Variants in ARB2A observed in about 807,000 individuals in gnomAD.
ARB2A encodes the protein cotranscriptional regulator ARB2A.
At chr5:93,806,572 C>T in the ARB2A span, among the ~76,000 whole-genome samples, 1 of 151,744 alleles carries the variant, frequency 6.6e-6, no homozygotes, top group Non-Finnish European at 1.5e-5. Flanking sequence ...TTACAGGACA[C>T]CTTAAAACAG....
chr5:93,811,192 G>A, the ARB2A span, among the ~76,000 whole-genome samples: 1 of 152,188 alleles, frequency 6.6e-6, no homozygotes, highest in East Asian at 1.9e-4. Flanking sequence ...CATGGAATGA[G>A]CCACAAAAAA....
the ARB2A span, among the ~76,000 whole-genome samples, chr5:93,647,102 C>A: frequency 9.9e-5 from 15 of 152,152 alleles, no homozygotes; most frequent in Non-Finnish European, 2.1e-4. Flanking sequence ...GTATAGTTAT[C>A]AAATTCAGAA....
the ARB2A span, among the ~76,000 whole-genome samples, chr5:93,836,838 T>C: frequency 2.0e-5 from 3 of 152,144 alleles, no homozygotes; most frequent in South Asian, 2.1e-4. Flanking sequence ...ATTTTGGACC[T>C]TGAAAAATGG....
the ARB2A span, among the ~76,000 whole-genome samples, chr5:94,077,772 T>C: frequency 1.3e-5 from 2 of 152,236 alleles, no homozygotes; most frequent in African/African-American, 4.8e-5. Flanking sequence ...TGGGACACAG[T>C]TGACATGTTG....
the ARB2A span, among the ~76,000 whole-genome samples, chr5:93,988,400 A>C: frequency 2.6e-5 from 4 of 152,100 alleles, no homozygotes; most frequent in African/African-American, 7.2e-5. Flanking sequence ...GCTTTCTTTT[A>C]TATTCTCAGA....
At chr5:93,659,178 A>G in the ARB2A span, among the ~76,000 whole-genome samples, 9 of 152,096 alleles carry the variant, frequency 5.9e-5, no homozygotes, top group African/African-American at 1.9e-4. Flanking sequence ...GCTCCATGAC[A>G]GAAACAACTG....
chr5:93,790,227 A>G, the ARB2A span, among the ~76,000 whole-genome samples: 1 of 152,188 alleles, frequency 6.6e-6, no homozygotes, highest in African/African-American at 2.4e-5. Flanking sequence ...AAATGAACAA[A>G]CTGAAAAGCA....
chr5:93,979,591 C>T, the ARB2A span, among the ~76,000 whole-genome samples: 1 of 152,050 alleles, frequency 6.6e-6, no homozygotes. Flanking sequence ...ACCCTGCATG[C>T]ATAATTAGGC....
At chr5:93,929,325 T>C in the ARB2A span, among the ~76,000 whole-genome samples, 3 of 152,176 alleles carry the variant, frequency 2.0e-5, no homozygotes, top group Non-Finnish European at 4.4e-5. Context: ...GCAAGTAGTA[T>C]GAAGCCAAAA....
At chr5:93,958,563 G>T in the ARB2A span, among the ~76,000 whole-genome samples, 1 of 151,836 alleles carries the variant, frequency 6.6e-6, no homozygotes, top group African/African-American at 2.4e-5. Flanking sequence ...TCACTCAAAA[G>T]ACATTATTTA....
the ARB2A span, among the ~76,000 whole-genome samples, chr5:94,060,599 C>A: frequency 1.3e-5 from 2 of 152,024 alleles, no homozygotes; most frequent in Non-Finnish European, 1.5e-5. Flanking sequence ...TAAATTGGTA[C>A]CAATTCTACA....
the ARB2A span, among the ~76,000 whole-genome samples, chr5:93,839,016 T>C: frequency 6.6e-6 from 1 of 152,190 alleles, no homozygotes; most frequent in Non-Finnish European, 1.5e-5. Context: ...CTCTTCCTAT[T>C]TGGGTGCCTT....
the ARB2A span, among the ~76,000 whole-genome samples, chr5:93,962,605 C>A: frequency 6.6e-6 from 1 of 152,008 alleles, no homozygotes; most frequent in African/African-American, 2.4e-5. Context: ...CACCCACATA[C>A]AAAAACCCAC....
At chr5:93,899,603 C>T in the ARB2A span, among the ~76,000 whole-genome samples, 4 of 151,980 alleles carry the variant, frequency 2.6e-5, no homozygotes, top group African/African-American at 4.8e-5. Context: ...AGGAGTCTCC[C>T]GATCAACTTT....
the ARB2A span, among the ~76,000 whole-genome samples, chr5:93,992,357 T>C: frequency 2.6e-5 from 4 of 152,066 alleles, no homozygotes; most frequent in Non-Finnish European, 4.4e-5. Flanking sequence ...TCACATTATA[T>C]GTGAAGTGGC....
the ARB2A span, among the ~76,000 whole-genome samples, chr5:93,884,060 A>G: frequency 1.5e-4 from 23 of 151,732 alleles, no homozygotes; most frequent in African/African-American, 3.1e-4. Flanking sequence ...CATTTTAATG[A>G]TAATATGAAA....
At chr5:93,931,356 C>G in the ARB2A span, among the ~76,000 whole-genome samples, 1 of 151,976 alleles carries the variant, frequency 6.6e-6, no homozygotes, top group Non-Finnish European at 1.5e-5. Flanking sequence ...CCCAGCTACT[C>G]GGGAGGCTAA....
At chr5:94,055,693 G>A in the ARB2A span, 1 of 985,204 alleles carries the variant, frequency 1.0e-6, no homozygotes, top group Non-Finnish European at 1.2e-6. Context: ...AAAGACAGAA[G>A]GGTTTTAATA....
the ARB2A span, among the ~76,000 whole-genome samples, chr5:93,944,427 C>T: frequency 6.6e-6 from 1 of 151,944 alleles, no homozygotes; most frequent in Non-Finnish European, 1.5e-5. Context: ...AGGACCCCAT[C>T]TCGCCAAAAA....
Sources: gnomAD v4.1 joint callset for allele counts (sites outside exome capture counted in the v4.1 genomes callset) on GRCh38, gnomAD v4.1.1 for gene constraint, MANE v1.5 for transcripts, NCBI Gene and HGNC (gene_info 2026-07-23, HGNC 2026-07-21) for gene names.